GABRA3: variants seen among roughly 807,000 people sequenced by gnomAD.
GABRA3 encodes gamma-aminobutyric acid type A receptor subunit alpha3.
In GABRA3, 10 loss-of-function variants were observed where a neutral mutation model predicts 30.1. The ratio of observed to expected loss-of-function variants is 0.33; its 90% CI spans 0.20 to 0.56. The LOEUF is 0.56. Among genes scored for constraint, GABRA3 ranks in the 20% least tolerant of loss-of-function variants. The probability of loss-of-function intolerance (pLI) is 0.89; values close to 1 mark genes in which losing one functional copy is unlikely to be tolerated. For missense variants in GABRA3, 233 were observed against 392.0 expected (o/e 0.59, Z 3.42); for synonymous variants, 151 against 146.8 (o/e 1.03, Z -0.21).
intron 1 of GABRA3, among the ~76,000 whole-genome samples, chrX:152,447,774 G>T (rs956806104): frequency 5.4e-5 from 6 of 112,149 alleles, no homozygotes; most frequent in African/African-American, 1.9e-4. Flanking sequence ...TAGGGTAAAA[G>T]ATCATGACAG....
chrX:152,175,944 G>T (rs1397397489), intron 9 of GABRA3, among the ~76,000 whole-genome samples: 1 of 109,670 alleles, frequency 9.1e-6, no homozygotes, highest in Admixed American at 9.8e-5. Flanking sequence ...CACGCCTGTA[G>T]TCCCAGCTGC....
chrX:152,182,632 A>G (rs775592142), intron 9 of GABRA3, among the ~76,000 whole-genome samples: 1 of 12,347 alleles, frequency 8.1e-5, no homozygotes, highest in Non-Finnish European at 1.6e-4. Context: ...GTATATATAC[A>G]CTATATATAC....
intron 4 of GABRA3, among the ~76,000 whole-genome samples, chrX:152,259,557 C>A (rs1340918854): frequency 3.6e-5 from 4 of 111,496 alleles, no homozygotes; most frequent in Non-Finnish European, 7.5e-5. Context: ...CAAAGCAGGA[C>A]AGGGCAGCAG....
intron 8 of GABRA3, among the ~76,000 whole-genome samples, chrX:152,191,816 AG>A (rs1380414682): frequency 9.0e-6 from 1 of 111,371 alleles, no homozygotes; most frequent in Non-Finnish European, 1.9e-5. Flanking sequence ...CCAACTAGGC[AG>A]GGAGTCATCA....
At chrX:152,346,201 A>G (rs1341017257) in intron 2 of GABRA3, among the ~76,000 whole-genome samples, 1 of 111,799 alleles carries the variant, frequency 8.9e-6, no homozygotes, top group Non-Finnish European at 1.9e-5. Flanking sequence ...GGGAAAGGGA[A>G]AACTATTTGC....
intron 7 of GABRA3, among the ~76,000 whole-genome samples, chrX:152,200,845 T>C (rs1475618422): frequency 8.9e-6 from 1 of 112,618 alleles, no homozygotes; most frequent in Non-Finnish European, 1.9e-5. Context: ...TGACTCAAAA[T>C]GGTTGAACAC....
intron 1 of GABRA3, among the ~76,000 whole-genome samples, chrX:152,413,982 A>G (rs1442077173): frequency 9.0e-6 from 1 of 111,324 alleles, no homozygotes; most frequent in Non-Finnish European, 1.9e-5. Context: ...ATTTCTATAT[A>G]CTAGCAACAG....
Position 152,213,217 on chromosome X carries a change from A to T in GABRA3, c.635-5073T>A, listed in dbSNP as rs775126544. Among the ~76,000 whole-genome samples the T allele has an allele frequency of 2.7e-5, 3 of 112,001 alleles. No homozygotes were observed. The East Asian group carries it at 8.5e-4, about 32-fold the overall frequency. On this transcript the variant is annotated intron_variant, in intron 6 of 9. Transcript: ENST00000370314. Reference sequence around the variant, plus strand: ...ACAAATGAGAAAGCATTTCTTTTGAAATATTGTCAGAAACCACTTGCTTAA... The same window carrying T: ...ACAAATGAGAAAGCATTTCTTTTGATATATTGTCAGAAACCACTTGCTTAA...
intron 1 of GABRA3, among the ~76,000 whole-genome samples, chrX:152,395,576 C>T (rs1008413820): frequency 2.7e-5 from 3 of 111,635 alleles, no homozygotes; most frequent in Non-Finnish European, 5.6e-5. Context: ...AAAATGACAC[C>T]TCATGCCATA....
At chrX:152,174,983 G>A (rs1937053724) in intron 9 of GABRA3, among the ~76,000 whole-genome samples, 1 of 111,857 alleles carries the variant, frequency 8.9e-6, no homozygotes, top group Non-Finnish European at 1.9e-5. Context: ...GTGTAAGGAA[G>A]GGATCCAGTT....
Position 152,307,748 on chromosome X carries a change from G to C in GABRA3, c.263-23013C>G, listed in dbSNP as rs1396633960. ...TTACTGAGCACCAGGGCTCATTCCT[G>C]GTCCTGAGTAACTCATGGAGAAGGG... is the stretch of plus-strand genomic sequence containing the variant. On this transcript the variant is annotated intron_variant, in intron 3 of 9. Transcript: ENST00000370314. Among the ~76,000 whole-genome samples the C allele has an allele frequency of 3.6e-5, 4 of 111,574 alleles. No homozygotes were observed. The Admixed American group carries it at 3.8e-4, about 11-fold the overall frequency.
intron 2 of GABRA3, among the ~76,000 whole-genome samples, chrX:152,357,658 G>A (rs1027528301): frequency 3.6e-5 from 4 of 111,411 alleles, no homozygotes; most frequent in Non-Finnish European, 7.5e-5. Context: ...TGGTTTTGTT[G>A]CAATTGCTTT....
At chrX:152,275,142 A>ATATATATATTTAATATTATATATATAATT (rs1428500677) in intron 4 of GABRA3, among the ~76,000 whole-genome samples, 5 of 57,830 alleles carry the variant, frequency 8.6e-5, no homozygotes, top group Non-Finnish European at 1.1e-4. Flanking sequence ...ATATAATATA[A>ATATATATATTTAATATTATATATATAATT]TATATATATT....
chrX:152,195,490 T>C (rs960422332), intron 8 of GABRA3, among the ~76,000 whole-genome samples: 2 of 112,294 alleles, frequency 1.8e-5, no homozygotes, highest in Non-Finnish European at 3.8e-5. Context: ...AAGGCTGAAA[T>C]TAGTTTCACT....
At chrX:152,282,720 G>C (rs1939220743) in intron 4 of GABRA3, among the ~76,000 whole-genome samples, 1 of 112,172 alleles carries the variant, frequency 8.9e-6, no homozygotes, top group African/African-American at 3.2e-5. Flanking sequence ...GGAAGCAGCA[G>C]AGTGAGGAGC....
chrX:152,363,220 A>T (rs764375086), intron 2 of GABRA3, among the ~76,000 whole-genome samples: 1 of 112,337 alleles, frequency 8.9e-6, no homozygotes, highest in African/African-American at 3.2e-5. Context: ...AAGGATCTTT[A>T]TATCACAAAG....
rs187846505 is a variant in GABRA3, at chrX:152,356,514, T to A, written c.140+7917A>T. ...CTCTATACTTTAAAATTATATTGGA[T>A]CCTTTATTTATGGCAAATACAACTC... On this transcript the variant is annotated intron_variant, in intron 2 of 9. Transcript: ENST00000370314. Among the ~76,000 whole-genome samples the A allele has an allele frequency of 4.5e-3, 503 of 111,872 alleles. 3 individuals are homozygous for A. Among genetic ancestry groups the A allele is most frequent in the African/African-American group, 0.015 (474 of 30,881 alleles).
At chrX:152,297,511 T>C (rs1939552104) in intron 3 of GABRA3, among the ~76,000 whole-genome samples, 1 of 112,493 alleles carries the variant, frequency 8.9e-6, no homozygotes, top group African/African-American at 3.2e-5. Flanking sequence ...CTCCTTTTGC[T>C]TTTTCCCTAC....
At chrX:152,341,696 C>T (rs1270568978) in intron 3 of GABRA3, among the ~76,000 whole-genome samples, 3 of 107,405 alleles carry the variant, frequency 2.8e-5, no homozygotes, top group Non-Finnish European at 5.8e-5. Context: ...CACACCACTA[C>T]CCCCCGCTAA....
Sources: allele counts gnomAD v4.1 joint callset (sites outside exome capture counted in the v4.1 genomes callset), GRCh38; gene constraint gnomAD v4.1.1; transcripts MANE v1.5; gene names NCBI Gene and HGNC (gene_info 2026-07-23, HGNC 2026-07-21).